Variants in RPGRIP1L observed in about 807,000 individuals in gnomAD.
RPGRIP1L encodes the protein RPGRIP1 like.
A neutral mutation model predicts 160.4 loss-of-function variants in RPGRIP1L; 131 were observed. The ratio of observed to expected loss-of-function variants is 0.82; its 90% CI spans 0.71 to 0.94. RPGRIP1L has a LOEUF of 0.94. Ranked by LOEUF, RPGRIP1L falls within the 40% of genes least tolerant of loss-of-function variation. The probability of loss-of-function intolerance (pLI) is 0.00; values close to 1 mark genes in which losing one functional copy is unlikely to be tolerated. For missense variants in RPGRIP1L, 1,522 were observed against 1,535.8 expected, an observed-to-expected ratio of 0.99 and a Z score of 0.15; for synonymous variants, 510 against 515.8, an observed-to-expected ratio of 0.99 and a Z score of 0.15.
rs1478012037 is a variant in RPGRIP1L, at chr16:53,671,116, T to C, written c.1103+394A>G. On this transcript the variant is annotated intron_variant, in intron 9 of 26. Coordinates refer to ENST00000647211, the MANE Select transcript of RPGRIP1L (RefSeq NM_015272.5). ...TCAAAAAAAAGAGGTGGGAAGTGCC[T>C]CTTAATGTTACTTAATTTTGCTTCA... 7.2e-5 allele frequency among the ~76,000 whole-genome samples: 11 copies of C among 152,126 alleles called. No homozygotes were observed. In the East Asian group the frequency reaches 2.1e-3, roughly 29 times the overall value.
Position 53,610,990 on chromosome 16 carries a change from T to C in RPGRIP1L, c.3678A>G (p.Gln1226=). 6 of 1,612,486 alleles carry C rather than the reference T, an allele frequency of 3.7e-6. No homozygotes were observed. The highest frequency in any genetic ancestry group is 4.2e-6 in the Non-Finnish European group (5 of 1,178,574). The stretch of plus-strand genomic sequence containing the variant: ...ACCTTCTATTAGGCATCTCTTGTTT[T>C]TGTAGTATAGCTTTTAAGATGTCTC... ...AKRDILKAIL[Q]KQEMPNRSLR... Residue 1226 remains glutamine, a synonymous_variant, in exon 25 of 27, where the codon CAA becomes CAG. Coordinates refer to ENST00000647211, the MANE Select transcript of RPGRIP1L (RefSeq NM_015272.5).
At chr16:53,680,759 G>A (rs571558025) in intron 6 of RPGRIP1L, among the ~76,000 whole-genome samples, 147 of 152,148 alleles carry the variant, frequency 9.7e-4, no homozygotes, top group Admixed American at 3.1e-3. Flanking sequence ...GTGAAGTGAT[G>A]TATGCACCTA....
At chr16:53,693,876 T>C (rs1262740171) in intron 3 of RPGRIP1L, 1 of 152,176 alleles carries the variant, frequency 6.6e-6, no homozygotes, top group Non-Finnish European at 1.5e-5. Context: ...AGAGAGACTT[T>C]CACACAGAGA....
At chr16:53,682,638 G>T (rs1055192571) in intron 6 of RPGRIP1L, among the ~76,000 whole-genome samples, 2 of 152,106 alleles carry the variant, frequency 1.3e-5, no homozygotes, top group African/African-American at 4.8e-5. Context: ...GTAAAGATGG[G>T]GACTGCCCCA....
At chr16:53,628,941 C>T (rs1416251593) in intron 22 of RPGRIP1L, 1 of 151,682 alleles carries the variant, frequency 6.6e-6, no homozygotes, top group Non-Finnish European at 1.5e-5. Flanking sequence ...AATAATTATG[C>T]CAAATAATTA....
At chr16:53,609,319 A>G (rs1963883205) in intron 25 of RPGRIP1L, among the ~76,000 whole-genome samples, 1 of 152,038 alleles carries the variant, frequency 6.6e-6, no homozygotes, top group Non-Finnish European at 1.5e-5. Flanking sequence ...GCCAGTCTCT[A>G]ACTTCTGGGC....
At chr16:53,655,224 C>T (rs944216819) in intron 14 of RPGRIP1L, among the ~76,000 whole-genome samples, 4 of 152,102 alleles carry the variant, frequency 2.6e-5, no homozygotes, top group Non-Finnish European at 5.9e-5. Context: ...AAATTTTAAA[C>T]AATGTCCCTC....
chr16:53,665,457 C>T (rs1399299909), intron 9 of RPGRIP1L, among the ~76,000 whole-genome samples: 1 of 152,060 alleles, frequency 6.6e-6, no homozygotes, highest in African/African-American at 2.4e-5. Flanking sequence ...GATAATAACA[C>T]GTTCACAAAA....
intron 2 of RPGRIP1L, among the ~76,000 whole-genome samples, chr16:53,698,607 C>T (rs1282331413): frequency 3.4e-5 from 5 of 145,822 alleles, no homozygotes; most frequent in South Asian, 2.2e-4. Flanking sequence ...TCTGCCCGGC[C>T]GCCCCTACTG....
At position 53,636,404 on chromosome 16, in the gene RPGRIP1L, T is replaced by C. The variant is rs1465369008; in HGVS notation, c.3294+35A>G. 6 of 1,425,136 alleles carry C rather than the reference T, an allele frequency of 4.2e-6. No homozygotes were observed. The Admixed American group carries it at 1.0e-4, about 24-fold the overall frequency. 88.3% of individuals were successfully genotyped at this position (1,425,136 alleles called of 1,614,324 possible). On this transcript the variant is annotated intron_variant, in intron 22 of 26. Transcript: ENST00000647211. ...TACTGTGAATGAAAGGCAGCCTTAT[T>C]TCAGAACATTTCTAGTTGGCATCAA...
Position 53,610,988 on chromosome 16 carries a change from T to C in RPGRIP1L, c.3680A>G (p.Lys1227Arg). The C allele has an allele frequency of 1.2e-6, 2 of 1,612,250 alleles. No individual in the cohort carries two copies. The highest frequency in any genetic ancestry group is 1.7e-6 in the Non-Finnish European group (2 of 1,178,360). Residue 1227 changes from lysine (K) to arginine (R), a missense_variant, in exon 25 of 27, where the codon AAA becomes AGA. Lys to Arg is a conservative substitution (Grantham distance 26). Transcript: ENST00000647211. ...KRDILKAILQ[K>R]QEMPNRSLRF... ...ATACCTTCTATTAGGCATCTCTTGT[T>C]TTTGTAGTATAGCTTTTAAGATGTC...
Position 53,641,408 on chromosome 16 carries a change from T to C in RPGRIP1L, c.2751A>G (p.Lys917=), listed in dbSNP as rs2151059675. Residue 917 remains lysine, a synonymous_variant, in exon 18 of 27, where the codon AAA becomes AAG. Coordinates refer to ENST00000647211, the MANE Select transcript of RPGRIP1L (RefSeq NM_015272.5). ...ATCCACTTGGTGGAAGGTAAGCAAA[T>C]TTCCATTTCAATATAACATGGATGG... ...AGTIHVILKW[K]FAYLPPSGSI... 1.2e-6 allele frequency: 2 copies of C among 1,614,082 alleles called. No homozygotes were observed. The highest frequency in any genetic ancestry group is 2.2e-5 in the South Asian group (2 of 91,080).
At chr16:53,681,420 G>A (rs1196059735) in intron 6 of RPGRIP1L, among the ~76,000 whole-genome samples, 3 of 151,382 alleles carry the variant, frequency 2.0e-5, no homozygotes, top group Non-Finnish European at 2.9e-5. Context: ...GTGTTCACTG[G>A]TTACTGCTTT....
At chr16:53,630,028 GA>G (rs79158886) in intron 22 of RPGRIP1L, among the ~76,000 whole-genome samples, 7,819 of 152,026 alleles carry the variant, frequency 0.051, 405 homozygotes, top group East Asian at 0.31. Context: ...TATATATATA[GA>G]CCTTTTTGTA....
intron 6 of RPGRIP1L, among the ~76,000 whole-genome samples, chr16:53,683,950 G>A (rs926850669): frequency 3.1e-4 from 47 of 152,034 alleles, no homozygotes; most frequent in African/African-American, 1.0e-3. Context: ...AATTGAAAAC[G>A]GGCCCCTTTC....
chr16:53,671,576 T>C lies in RPGRIP1L; in HGVS notation c.1037A>G (p.Asp346Gly). 1.3e-6 allele frequency: 2 copies of C among 1,517,578 alleles called. No homozygotes were observed. Among genetic ancestry groups the C allele is most frequent in the South Asian group, 2.3e-5 (2 of 86,902 alleles). 94.0% of individuals were successfully genotyped at this position (1,517,578 alleles called of 1,614,324 possible). ...FSERRIEELQ[D>G]RINDLEKERE... ...TTCCTTTTCTAAATCATTAATTCTA[T>C]CCTGCAGCTAAAATGAAAATAAAAT... Residue 346 changes from aspartate (D) to glycine (G), a missense_variant, in exon 9 of 27, where the codon GAT (aspartate) becomes GGT (glycine). Asp to Gly is a moderately conservative substitution (Grantham distance 94). Coordinates refer to ENST00000647211, the MANE Select transcript of RPGRIP1L (RefSeq NM_015272.5).
At chr16:53,626,604 A>C (rs1965195277) in intron 22 of RPGRIP1L, among the ~76,000 whole-genome samples, 1 of 152,128 alleles carries the variant, frequency 6.6e-6, no homozygotes, top group African/African-American at 2.4e-5. Context: ...CATGACTTCA[A>C]GACCAGCCTG....
chr16:53,618,168 T>C (rs901519389), intron 24 of RPGRIP1L, among the ~76,000 whole-genome samples: 2 of 152,204 alleles, frequency 1.3e-5, no homozygotes, highest in African/African-American at 2.4e-5. Context: ...GATCAAGCCC[T>C]AAGACAGAAA....
At position 53,637,724 on chromosome 16, in the gene RPGRIP1L, G is replaced by A; in HGVS notation, c.3191C>T (p.Thr1064Ile). 6.2e-7 allele frequency: 1 copy of A among 1,611,116 alleles called. No homozygotes were observed. The highest frequency in any genetic ancestry group is 8.5e-7 in the Non-Finnish European group (1 of 1,179,710). The change falls in exon 21 of 27, where the codon ACA (threonine) becomes ATA (isoleucine). Residue 1064 changes from threonine to isoleucine, a missense_variant. Physicochemically the swap from Thr to Ile is moderately conservative, Grantham distance 89. Coordinates refer to ENST00000647211, the MANE Select transcript of RPGRIP1L (RefSeq NM_015272.5). ...EQSLASSEDE[T>I]EITEDLEPEV... is the part of the protein sequence containing the mutation. ...TGGTTCCAAGTCCTCTGTTATTTCT[G>A]TTTCATCTTCAGAAGATGCCAAGCT...
Sources: allele counts gnomAD v4.1 joint callset (sites outside exome capture counted in the v4.1 genomes callset), GRCh38; gene constraint gnomAD v4.1.1; transcripts MANE v1.5; gene names NCBI Gene and HGNC (gene_info 2026-07-23, HGNC 2026-07-21).